The following URB1 variants were observed in gnomAD, a reference collection of about 807,000 sequenced individuals.
URB1 encodes the protein URB1 ribosome biogenesis factor.
In URB1, 197 loss-of-function variants were observed where a neutral mutation model predicts 242.3. The ratio of observed to expected loss-of-function variants is 0.81; its 90% CI spans 0.72 to 0.91. The LOEUF (loss-of-function observed/expected upper bound fraction) is 0.91. Among genes scored for constraint, URB1 ranks in the 40% least tolerant of loss-of-function variants. URB1 has a pLI of 0.00. For synonymous variants in URB1, 1,153 were observed against 1,201.8 expected (o/e 0.96, Z 0.84); for missense variants, 2,721 against 2,860.5 (o/e 0.95, Z 1.11).
intron 14 of URB1, among the ~76,000 whole-genome samples, chr21:32,359,065 C>A (rs948199825): frequency 4.6e-5 from 7 of 152,208 alleles, no homozygotes; most frequent in Non-Finnish European, 8.8e-5. Context: ...AGAGGCACAG[C>A]ATTCTTAAGT....
At position 32,368,513 on chromosome 21, in the gene URB1, T is replaced by G. The variant is rs1207287939; in HGVS notation, c.1087A>C (p.Ile363Leu). ...AGTAAGTCCGGGCACACTTTGAGGA[T>G]GTTTACCACAAGGTCAGCCACCAGA... ...DDLVADLVVNILKVCPDLLNK... is the reference protein window; with the variant it reads ...DDLVADLVVNLLKVCPDLLNK... The change falls in exon 9 of 39, where the codon ATC becomes CTC. Residue 363 changes from isoleucine (I) to leucine (L), a missense_variant. Transcript: ENST00000382751. 6.4e-7 allele frequency: 1 copy of G among 1,551,712 alleles called. No individual in the cohort carries two copies. Among genetic ancestry groups the G allele is most frequent in the Non-Finnish European group, 8.7e-7 (1 of 1,147,034 alleles).
rs2123542168 is a variant in URB1, at chr21:32,319,325, T to C, written c.5684A>G (p.Glu1895Gly). The C allele has an allele frequency of 6.4e-7, 1 of 1,551,292 alleles. No individual in the cohort carries two copies. Among genetic ancestry groups the C allele is most frequent in the East Asian group, 2.4e-5 (1 of 40,886 alleles). Reference sequence around the variant, plus strand: ...GCTAGGCTGGCAAAGGCGCTGGCTCTCCCACTCCACTGCCTTGTCCCCCAG... The same window carrying C: ...GCTAGGCTGGCAAAGGCGCTGGCTCCCCCACTCCACTGCCTTGTCCCCCAG... Reference protein sequence around the residue: ...TNLGDKAVEWESQRLCQPSSQ... With the variant: ...TNLGDKAVEWGSQRLCQPSSQ... The change falls in exon 36 of 39, where the codon GAG becomes GGG. Residue 1895 changes from glutamate (E) to glycine (G), a missense_variant. Glu to Gly is a moderately conservative substitution (Grantham distance 98). Transcript: ENST00000382751.
rs1331128976 is a variant in URB1 at position 32,349,329 on chromosome 21, G to A, written c.2987C>T (p.Ala996Val). 3.2e-6 allele frequency: 5 copies of A among 1,548,838 alleles called. No individual in the cohort carries two copies. Among genetic ancestry groups the A allele is most frequent in the Non-Finnish European group, 4.4e-6 (5 of 1,145,662 alleles). Residue 996 changes from alanine to valine, a missense_variant, in exon 21 of 39, where the codon GCC (alanine) becomes GTC (valine). Physicochemically the swap from Ala to Val is moderately conservative, Grantham distance 64. Transcript: ENST00000382751. ...CTGATCATTGGCCAACTCCAGCGAG[G>A]CCACGGACTCCATGTCCAGGAAGAG... ...ADLFLDMESV[A>V]SLELANDQTL...
intron 30 of URB1, 190 bp downstream of exon 30, chr21:32,333,127 T>C: frequency 1.7e-6 from 1 of 588,306 alleles, no homozygotes; most frequent in Non-Finnish European, 3.0e-6. Flanking sequence ...TCACTGTATG[T>C]TCAAAATACT....
intron 1 of URB1, among the ~76,000 whole-genome samples, chr21:32,387,367 C>T (rs1302479607): frequency 6.6e-6 from 1 of 152,090 alleles, no homozygotes; most frequent in Non-Finnish European, 1.5e-5. Context: ...TGCAGTGAGT[C>T]GAGATCGTGC....
chr21:32,347,709 C>T lies in URB1; in HGVS notation c.3115G>A (p.Val1039Ile). ...QALPPHTLSP[V>I]LVKLLATHFS... ...TGGGTGGCCAGGAGCTTCACGAGGACAGGGCTGAGCGTGTGCGGCGGGAGG... is the reference window on the plus strand; with the variant it reads ...TGGGTGGCCAGGAGCTTCACGAGGATAGGGCTGAGCGTGTGCGGCGGGAGG... The change falls in exon 22 of 39, where the codon GTC becomes ATC. Residue 1039 changes from valine to isoleucine, a missense_variant. Transcript: ENST00000382751. The T allele has an allele frequency of 6.4e-7, 1 of 1,551,118 alleles. No individual in the cohort carries two copies. The highest frequency in any genetic ancestry group is 8.7e-7 in the Non-Finnish European group (1 of 1,146,998).
chr21:32,363,246 G>C lies in URB1; in HGVS notation c.1419C>G (p.Cys473Trp). 1 of 1,552,018 alleles carries C rather than the reference G, an allele frequency of 6.4e-7. No individual in the cohort carries two copies. The highest frequency in any genetic ancestry group is 8.7e-7 in the Non-Finnish European group (1 of 1,147,092). ...LKRALKTVDH[C>W]LNKEVWQESG... ...ATTCCTGCCACACCTCTTTATTCAGGCAGTGGTCAACAGTTTTTAATGCCC... is the reference window on the plus strand; with the variant it reads ...ATTCCTGCCACACCTCTTTATTCAGCCAGTGGTCAACAGTTTTTAATGCCC... The change falls in exon 11 of 39, where the codon TGC becomes TGG. Residue 473 changes from cysteine (C) to tryptophan (W), a missense_variant. By Grantham distance (215) the Cys-to-Trp change is radical. Transcript: ENST00000382751.
chr21:32,392,687 GA>G, intron 1 of URB1, 81 bp downstream of exon 1: 2 of 1,347,192 alleles, frequency 1.5e-6, no homozygotes, highest in Non-Finnish European at 1.9e-6. Flanking sequence ...GAAAGCTGCA[GA>G]AAGGAGAGGC....
intron 6 of URB1, 94 bp downstream of exon 6, chr21:32,375,304 G>A (rs753586999): frequency 1.6e-4 from 118 of 729,484 alleles, no homozygotes; most frequent in Non-Finnish European, 2.3e-4. Context: ...TGTAAGATAA[G>A]ATGTTGTAGC....
rs941505883 is a variant in URB1 at position 32,345,409 on chromosome 21, C to G, written c.4035G>C (p.Leu1345=). 2.8e-5 allele frequency: 43 copies of G among 1,551,330 alleles called. No homozygotes were observed. The highest frequency in any genetic ancestry group is 3.6e-5 in the Non-Finnish European group (41 of 1,146,948). Residue 1345 remains leucine (L), a synonymous_variant, in exon 23 of 39, where the codon CTG becomes CTC. Transcript: ENST00000382751. ...TGCTTGGGGTGTGAAGCAAGCTGGG[C>G]AGGCGGTCCATGAGTACACTGAGAT... is the stretch of plus-strand genomic sequence containing the variant. ...AKDLSVLMDR[L]PSLLHTPSSH...
At chr21:32,341,339 C>T (rs771882523) in intron 25 of URB1, 127 bp downstream of exon 25, 46 of 921,590 alleles carry the variant, frequency 5.0e-5, no homozygotes, top group Non-Finnish European at 6.3e-5. Flanking sequence ...ACTTCTATCT[C>T]TAAAAACGAG....
At position 32,337,411 on chromosome 21, in the gene URB1, G is replaced by A. The variant is rs547910594; in HGVS notation, c.4614C>T (p.Ser1538=). Reference sequence around the variant, plus strand: ...CAGCCCTCACACCCTCACCTAGGACGCTGAGAGTGGCGCCATAGGCCCCGA... The same window carrying A: ...CAGCCCTCACACCCTCACCTAGGACACTGAGAGTGGCGCCATAGGCCCCGA... The part of the protein sequence containing the change: ...VLLGAYGATL[S]VLDQKILLLL... Residue 1538 remains serine, a synonymous_variant, in exon 27 of 39, where the codon AGC becomes AGT. Coordinates refer to ENST00000382751, the MANE Select transcript of URB1 (RefSeq NM_014825.3). The A allele has an allele frequency of 1.1e-5, 17 of 1,551,210 alleles. No individual in the cohort carries two copies. Among genetic ancestry groups the A allele is most frequent in the Middle Eastern group, 1.7e-4 (1 of 5,988 alleles).
At chr21:32,328,322 G>C (rs1043737537) in intron 30 of URB1, among the ~76,000 whole-genome samples, 4 of 152,146 alleles carry the variant, frequency 2.6e-5, no homozygotes, top group African/African-American at 9.7e-5. Flanking sequence ...ATTTTTAGTA[G>C]AGACGGGGTT....
In URB1 at chr21:32,349,141, C is replaced by G. The variant is rs1463047901; in HGVS notation, c.3012+163G>C. Among the ~76,000 whole-genome samples the G allele has an allele frequency of 2.0e-5, 3 of 152,378 alleles. No individual in the cohort carries two copies. In the East Asian group the frequency reaches 5.8e-4, roughly 29 times the overall value. On this transcript the variant is annotated intron_variant, in intron 21 of 38. Transcript: ENST00000382751. ...ACAGGAAAGAGAAGCCCAAATTAAA[C>G]CGCATGCTGGGCGGGTGCCAGGAAG... is the stretch of plus-strand genomic sequence containing the variant.
chr21:32,360,026 G>T, intron 13 of URB1, 118 bp from the exon 14 acceptor site: 1 of 912,130 alleles, frequency 1.1e-6, no homozygotes, highest in South Asian at 1.5e-5. Flanking sequence ...GGTGGATGCA[G>T]GGTTCTGTTT....
chr21:32,347,816 AAGGCAGTG>A lies in URB1; in HGVS notation c.3013-13_3013-6del, dbSNP rs139320089. ...CACAAGCACCTCCTCCAGCGTCTGA[AAGGCAGTG>A]ACGAGGCACAGACGTCACATAGAGC... On this transcript the variant is annotated splice_region_variant and splice_polypyrimidine_tract_variant and intron_variant, in intron 21 of 38. Transcript: ENST00000382751. 3.8e-3 allele frequency: 5,908 copies of A among 1,538,888 alleles called. 128 individuals are homozygous for A. The South Asian group carries it at 0.042, about 11-fold the overall frequency.
chr21:32,370,789 A>T (rs2033397670), intron 8 of URB1, among the ~76,000 whole-genome samples: 1 of 152,216 alleles, frequency 6.6e-6, no homozygotes, highest in Non-Finnish European at 1.5e-5. Flanking sequence ...TGCTGGCACA[A>T]CTGAGTGGTC....
chr21:32,363,166 G>C lies in URB1; in HGVS notation c.1499C>G (p.Ala500Gly). ...MEEFVQLFREALSKILPDLNT... is the reference protein window; with the variant it reads ...MEEFVQLFREGLSKILPDLNT... ...CAGATCAGAGCCTACCTTGCTCAGG[G>C]CTTCTCTGAAGAGCTGCACGAATTC... Residue 500 changes from alanine to glycine, a missense_variant, in exon 11 of 39, where the codon GCC becomes GGC. Ala to Gly is a moderately conservative substitution (Grantham distance 60). Transcript: ENST00000382751. The C allele has an allele frequency of 6.4e-7, 1 of 1,551,678 alleles. No homozygotes were observed. The highest frequency in any genetic ancestry group is 8.7e-7 in the Non-Finnish European group (1 of 1,146,988).
chr21:32,389,186 A>G (rs536565731), intron 1 of URB1, among the ~76,000 whole-genome samples: 3 of 152,266 alleles, frequency 2.0e-5, no homozygotes, highest in African/African-American at 7.2e-5. Flanking sequence ...GTAAGTATTG[A>G]GGGGGCAGAG....
Sources: gnomAD v4.1 joint callset for allele counts (sites outside exome capture counted in the v4.1 genomes callset) on GRCh38, gnomAD v4.1.1 for gene constraint, MANE v1.5 for transcripts, NCBI Gene and HGNC (gene_info 2026-07-23, HGNC 2026-07-21) for gene names.